Variants in FAR2 observed in about 807,000 individuals in gnomAD.
FAR2 encodes the protein fatty acyl-CoA reductase 2.
FAR2 carries 19 observed loss-of-function variants against 56.0 expected under a neutral mutation model. That is an observed-to-expected ratio of 0.34 (90% confidence interval 0.24 to 0.50). The LOEUF is 0.50. FAR2 is among the 20% of genes least tolerant of loss of function. FAR2 has a pLI of 0.98. For synonymous variants in FAR2, 219 were observed against 218.8 expected (o/e 1.00, Z -0.01); for missense variants, 508 against 642.2 (o/e 0.79, Z 2.26).
chr12:29,174,129 G>A (rs796926902), intron 1 of FAR2, among the ~76,000 whole-genome samples: 9 of 152,300 alleles, frequency 5.9e-5, no homozygotes, highest in African/African-American at 1.9e-4. Context: ...AGGGTTGGAG[G>A]AGTGATGCCT....
At chr12:29,153,824 G>C (rs1949700292) in intron 1 of FAR2, among the ~76,000 whole-genome samples, 1 of 152,120 alleles carries the variant, frequency 6.6e-6, no homozygotes, top group Admixed American at 6.5e-5. Flanking sequence ...GCAGAAAGAA[G>C]AGTGGGAATG....
At chr12:29,174,541 C>T (rs1385543010) in intron 1 of FAR2, among the ~76,000 whole-genome samples, 1 of 147,408 alleles carries the variant, frequency 6.8e-6, no homozygotes, top group Non-Finnish European at 1.5e-5. Flanking sequence ...CTGTCTCAGC[C>T]TCCCAAGTAG....
At chr12:29,154,253 T>C (rs1466939187) in intron 1 of FAR2, among the ~76,000 whole-genome samples, 2 of 152,122 alleles carry the variant, frequency 1.3e-5, no homozygotes, top group African/African-American at 4.8e-5. Context: ...AACCCTGTCA[T>C]TCCTCTGCCT....
At chr12:29,311,697 C>CACGG (rs1949356327) in intron 7 of FAR2, among the ~76,000 whole-genome samples, 186 bp from the exon 8 acceptor site, 1 of 151,750 alleles carries the variant, frequency 6.6e-6, no homozygotes, top group Non-Finnish European at 1.5e-5. Context: ...CACACACATG[C>CACGG]TTTTCCTAGT....
rs114606084 is a variant in FAR2, at chr12:29,286,833, T to C, written c.190-6467T>C. ...AATTGTCTTTAAGAACAGCAAAATA[T>C]ATGCTTAATTCTCTGAGGTCACAGA... is the stretch of plus-strand genomic sequence containing the variant. On this transcript the variant is annotated intron_variant, in intron 2 of 11. Transcript: ENST00000536681. Among the ~76,000 whole-genome samples, 626 of 152,284 alleles carry C rather than the reference T, an allele frequency of 4.1e-3. 6 individuals are homozygous for C. Among genetic ancestry groups the C allele is most frequent in the African/African-American group, 0.014 (595 of 41,556 alleles).
chr12:29,325,776 T>C (rs1015847842), intron 10 of FAR2, among the ~76,000 whole-genome samples: 1 of 152,046 alleles, frequency 6.6e-6, no homozygotes. Context: ...TTTATAGCAC[T>C]AAATGCCCAC....
chr12:29,159,027 A>C (rs1949755504), intron 1 of FAR2, among the ~76,000 whole-genome samples: 2 of 152,234 alleles, frequency 1.3e-5, no homozygotes, highest in African/African-American at 4.8e-5. Flanking sequence ...ATAGAATGCA[A>C]AACAAGTTAT....
At chr12:29,178,185 A>T (rs1039528607) in intron 1 of FAR2, among the ~76,000 whole-genome samples, 25 of 9,948 alleles carry the variant, frequency 2.5e-3, no homozygotes, top group Non-Finnish European at 0.013. Flanking sequence ...TATAACAATA[A>T]AAAAAAAAAA....
intron 1 of FAR2, among the ~76,000 whole-genome samples, chr12:29,205,397 T>C (rs985266177): frequency 6.6e-6 from 1 of 152,224 alleles, no homozygotes; most frequent in African/African-American, 2.4e-5. Context: ...TTTGTTCTCT[T>C]ACCCTACGTG....
intron 4 of FAR2, among the ~76,000 whole-genome samples, chr12:29,306,569 A>C (rs1189747941): frequency 6.6e-6 from 1 of 152,268 alleles, no homozygotes; most frequent in Non-Finnish European, 1.5e-5. Flanking sequence ...GAAAAATCAC[A>C]CTAGCATATT....
chr12:29,225,008 G>C (rs902361211), intron 1 of FAR2, among the ~76,000 whole-genome samples: 12 of 152,116 alleles, frequency 7.9e-5, no homozygotes, highest in African/African-American at 2.9e-4. Context: ...CCCACTTGAG[G>C]CCTCCAAACT....
chr12:29,330,142 C>A lies in FAR2; in HGVS notation c.1258-2458C>A, dbSNP rs1201744818. Among the ~76,000 whole-genome samples, 3 of 150,680 alleles carry A rather than the reference C, an allele frequency of 2.0e-5. No individual in the cohort carries two copies. The East Asian group carries it at 5.9e-4, about 29-fold the overall frequency. On this transcript the variant is annotated intron_variant, in intron 10 of 11. Transcript: ENST00000536681. ...CAAGATCTTGGCTCACTGCAACCTC[C>A]GCCTCCCGGGTTCAAGCGCGTCTCC...
At chr12:29,327,011 C>T (rs1949660052) in intron 10 of FAR2, among the ~76,000 whole-genome samples, 1 of 152,174 alleles carries the variant, frequency 6.6e-6, no homozygotes, top group South Asian at 2.1e-4. Context: ...ACCCCATCAT[C>T]TCAGCCCAAA....
chr12:29,329,710 C>T lies in FAR2; in HGVS notation c.1258-2890C>T, dbSNP rs79145868. ...CTTTTGGACAAGTCTTTGAAGCTCT[C>T]TGGAACAATCGCATCTGCTCTCTTT... is the stretch of plus-strand genomic sequence containing the variant. On this transcript the variant is annotated intron_variant, in intron 10 of 11. Coordinates refer to ENST00000536681, the MANE Select transcript of FAR2 (RefSeq NM_001271783.2). 3.2e-4 allele frequency among the ~76,000 whole-genome samples: 49 copies of T among 152,296 alleles called. No individual in the cohort carries two copies. The East Asian group carries it at 7.5e-3, about 23-fold the overall frequency.
Position 29,332,658 on chromosome 12 carries a change from TG to T in FAR2, c.1319del (p.Gly440GlufsTer7). 6.2e-7 allele frequency: 1 copy of T among 1,613,800 alleles called. No homozygotes were observed. Among genetic ancestry groups the T allele is most frequent in the Non-Finnish European group, 8.5e-7 (1 of 1,179,800 alleles). On this transcript the variant is annotated frameshift_variant, in exon 11 of 12. Coordinates refer to ENST00000536681, the MANE Select transcript of FAR2 (RefSeq NM_001271783.2). LOFTEE classifies it high-confidence loss of function. ...TTGGAATACATTGAAAATTATGTTTTGGGAGTTAAAAAATACTTATTGAAAG... is the reference window on the plus strand; with the variant it reads ...TTGGAATACATTGAAAATTATGTTTTGGAGTTAAAAAATACTTATTGAAAG... The part of the protein sequence containing the change: ...NWLEYIENYV[L>X]GVKKYLLKED...
chr12:29,223,884 TA>T (rs1423233820), intron 1 of FAR2: 1 of 152,172 alleles, frequency 6.6e-6, no homozygotes, highest in Non-Finnish European at 1.5e-5. Context: ...CCAGAGAAAC[TA>T]GACAAAAAGG....
At chr12:29,219,381 G>A (rs970834854) in intron 1 of FAR2, among the ~76,000 whole-genome samples, 2 of 152,062 alleles carry the variant, frequency 1.3e-5, no homozygotes, top group African/African-American at 2.4e-5. Flanking sequence ...TGAAGCAAGT[G>A]GAACAATATC....
At chr12:29,171,314 G>T (rs1591829062) in intron 1 of FAR2, 1 of 152,452 alleles carries the variant, frequency 6.6e-6, no homozygotes, top group East Asian at 1.9e-4. Context: ...TCCAGTGATT[G>T]CCTCGGCATA....
At chr12:29,192,782 AT>A (rs1950113420) in intron 1 of FAR2, among the ~76,000 whole-genome samples, 1 of 152,226 alleles carries the variant, frequency 6.6e-6, no homozygotes, top group African/African-American at 2.4e-5. Flanking sequence ...GATGAGGTCG[AT>A]TAATTGAGCA....
Sources: allele counts gnomAD v4.1 joint callset (sites outside exome capture counted in the v4.1 genomes callset), GRCh38; gene constraint gnomAD v4.1.1; transcripts MANE v1.5; gene names NCBI Gene and HGNC (gene_info 2026-07-23, HGNC 2026-07-21).